ZNF385D: variants seen among roughly 807,000 people sequenced by gnomAD.
ZNF385D encodes zinc finger protein 385D, also known as zinc finger protein 659.
In ZNF385D, 15 loss-of-function variants were observed where a neutral mutation model predicts 35.8. That is an observed-to-expected ratio of 0.42 (90% CI 0.28 to 0.64). The LOEUF (loss-of-function observed/expected upper bound fraction) is 0.64, where lower values mean the gene tolerates loss of function less well. Ranked by LOEUF, ZNF385D falls within the 30% of genes least tolerant of loss-of-function variation. The probability of loss-of-function intolerance (pLI) is 0.23; values close to 1 mark genes in which losing one functional copy is unlikely to be tolerated. For missense variants in ZNF385D, 474 were observed against 494.6 expected, an observed-to-expected ratio of 0.96 and a Z score of 0.39; for synonymous variants, 212 against 186.8, an observed-to-expected ratio of 1.13 and a Z score of -1.10.
At chr3:21,995,519 G>A (rs552259554) in intron 3 of ZNF385D, among the ~76,000 whole-genome samples, 1 of 152,206 alleles carries the variant, frequency 6.6e-6, no homozygotes, top group Non-Finnish European at 1.5e-5. Context: ...GGCAGTGAGT[G>A]AGGTGGATCA....
intron 2 of ZNF385D, among the ~76,000 whole-genome samples, chr3:22,221,634 C>T (rs544564347): frequency 7.2e-5 from 11 of 152,116 alleles, no homozygotes; most frequent in East Asian, 1.9e-4. Flanking sequence ...TGTAGCTGTG[C>T]GTTTTTGATC....
At chr3:22,308,170 C>A (rs952243792) in intron 2 of ZNF385D, among the ~76,000 whole-genome samples, 1 of 151,888 alleles carries the variant, frequency 6.6e-6, no homozygotes, top group Non-Finnish European at 1.5e-5. Flanking sequence ...AGCACAAAGA[C>A]AATCTACTAA....
chr3:21,833,253 T>G (rs1695115318), intron 3 of ZNF385D, among the ~76,000 whole-genome samples: 1 of 152,216 alleles, frequency 6.6e-6, no homozygotes, highest in Non-Finnish European at 1.5e-5. Flanking sequence ...CAAAGTTATG[T>G]ATACATCAGA....
At chr3:22,337,778 G>A (rs577290509) in intron 2 of ZNF385D, among the ~76,000 whole-genome samples, 12 of 152,192 alleles carry the variant, frequency 7.9e-5, no homozygotes, top group Admixed American at 4.6e-4. Context: ...TTTCAAAAGG[G>A]CAGGAAAAGA....
intron 3 of ZNF385D, among the ~76,000 whole-genome samples, chr3:21,992,526 C>T (rs1243152071): frequency 6.6e-6 from 1 of 152,054 alleles, no homozygotes; most frequent in Non-Finnish European, 1.5e-5. Context: ...TAAATGTTAT[C>T]CTAATTAACC....
At chr3:21,880,705 A>C (rs1198514744) in intron 3 of ZNF385D, among the ~76,000 whole-genome samples, 1 of 152,066 alleles carries the variant, frequency 6.6e-6, no homozygotes, top group African/African-American at 2.4e-5. Context: ...GATTAAGCTT[A>C]ATGAAGAAGG....
At chr3:21,980,929 G>GGGTA (rs1694403505) in intron 3 of ZNF385D, among the ~76,000 whole-genome samples, 1 of 152,012 alleles carries the variant, frequency 6.6e-6, no homozygotes, top group Admixed American at 6.6e-5. Flanking sequence ...AGCATTCCAT[G>GGGTA]GTATATATGT....
intron 3 of ZNF385D, among the ~76,000 whole-genome samples, chr3:22,093,265 A>G (rs1220982942): frequency 6.6e-6 from 1 of 152,082 alleles, no homozygotes; most frequent in Non-Finnish European, 1.5e-5. Flanking sequence ...AGTAAACCCA[A>G]CATCTAAAAC....
intron 3 of ZNF385D, among the ~76,000 whole-genome samples, chr3:22,062,423 CT>C (rs1280034751): frequency 2.2e-4 from 34 of 152,206 alleles, no homozygotes; most frequent in South Asian, 6.2e-4. Flanking sequence ...CTTTATAACA[CT>C]TTAAATGAGC....
At chr3:22,098,837 T>G (rs1576316844) in intron 3 of ZNF385D, among the ~76,000 whole-genome samples, 1 of 151,452 alleles carries the variant, frequency 6.6e-6, no homozygotes, top group Non-Finnish European at 1.5e-5. Context: ...ACTGATAGAG[T>G]AGAAAAACAG....
At chr3:21,569,742 G>C (rs2063270145) in intron 2 of ZNF385D, among the ~76,000 whole-genome samples, 1 of 151,666 alleles carries the variant, frequency 6.6e-6, no homozygotes, top group African/African-American at 2.4e-5. Flanking sequence ...AAAATGATGA[G>C]TTCATGTCCT....
chr3:21,552,150 C>A (rs910766193), intron 3 of ZNF385D, among the ~76,000 whole-genome samples: 3 of 152,128 alleles, frequency 2.0e-5, no homozygotes, highest in Admixed American at 1.3e-4. Flanking sequence ...AAGATAAATT[C>A]CAGATTTACC....
At chr3:22,137,402 C>T (rs1704210772) in intron 3 of ZNF385D, among the ~76,000 whole-genome samples, 1 of 152,120 alleles carries the variant, frequency 6.6e-6, no homozygotes, top group South Asian at 2.1e-4. Flanking sequence ...CCTTGATGAA[C>T]ATTGATGCAA....
chr3:22,008,387 C>T (rs1696354581), intron 3 of ZNF385D, among the ~76,000 whole-genome samples: 1 of 95,338 alleles, frequency 1.0e-5, no homozygotes, highest in Non-Finnish European at 2.0e-5. Flanking sequence ...CGGAGTCTCG[C>T]TGTTGCCCAG....
rs34497539 is a variant in ZNF385D, at chr3:22,244,364, T to TAA, written c.107-75331_107-75330dup. Among the ~76,000 whole-genome samples, 568 of 62,540 alleles carry TAA rather than the reference T, an allele frequency of 9.1e-3. 9 individuals are homozygous for TAA. Among genetic ancestry groups the TAA allele is most frequent in the Non-Finnish European group, 0.014 (442 of 32,048 alleles). The allele number at this position is 62,540 out of a possible 152,430, so 41.0% of individuals were successfully genotyped here. On this transcript the variant is annotated intron_variant, in intron 2 of 5. Coordinates refer to the ZNF385D transcript ENST00000494108. ...CAAAGTGATACCAGACAACCGAATG[T>TAA]AAAAAAAAAAAAAAAAAAAAAAAAA...
chr3:21,924,725 C>A (rs1164871298), intron 3 of ZNF385D, among the ~76,000 whole-genome samples: 5 of 152,034 alleles, frequency 3.3e-5, no homozygotes, highest in Non-Finnish European at 1.5e-5. Context: ...CAAGTGGGGG[C>A]AGTAATAAGA....
intron 2 of ZNF385D, among the ~76,000 whole-genome samples, chr3:22,336,010 ACAATT>A (rs1480201543): frequency 6.6e-6 from 1 of 152,096 alleles, no homozygotes; most frequent in African/African-American, 2.4e-5. Flanking sequence ...GTCCACTAAA[ACAATT>A]CAATTCTATT....
At chr3:21,615,036 G>A (rs1452977783) in intron 2 of ZNF385D, among the ~76,000 whole-genome samples, 1 of 152,132 alleles carries the variant, frequency 6.6e-6, no homozygotes, top group East Asian at 1.9e-4. Context: ...AAACATTTTT[G>A]GTGAAAGATA....
At chr3:22,263,104 AGCTCCTTTCTTG>A (rs1700719206) in intron 2 of ZNF385D, among the ~76,000 whole-genome samples, 1 of 151,828 alleles carries the variant, frequency 6.6e-6, no homozygotes, top group Non-Finnish European at 1.5e-5. Flanking sequence ...TAACCTCTTT[AGCTCCTTTCTTG>A]GCTCCCCTCC....
Sources: allele counts gnomAD v4.1 joint callset (sites outside exome capture counted in the v4.1 genomes callset), GRCh38; gene constraint gnomAD v4.1.1; transcripts MANE v1.5; gene names NCBI Gene and HGNC (gene_info 2026-07-23, HGNC 2026-07-21).